The following JADE2 variants were observed in gnomAD, a reference collection of about 807,000 sequenced individuals.
The protein encoded by JADE2 is jade family PHD finger 2.
Under a neutral mutation model 85.7 loss-of-function variants are expected in JADE2, and 13 were observed. That is an observed-to-expected ratio of 0.15 (90% CI 0.10 to 0.24). The LOEUF is 0.24. Among genes scored for constraint, JADE2 ranks in the 10% least tolerant of loss-of-function variants. The pLI is 1.00. For missense variants in JADE2, 846 were observed against 1,115.9 expected (o/e 0.76, Z 3.45); for synonymous variants, 440 against 456.1 (o/e 0.96, Z 0.45).
intron 1 of JADE2, among the ~76,000 whole-genome samples, chr5:134,528,934 T>G (rs1456934505): frequency 2.6e-5 from 4 of 152,208 alleles, no homozygotes; most frequent in Admixed American, 2.6e-4. Context: ...TCCAAGAGGT[T>G]GTCAGAAATC....
rs1446806848 is a variant in JADE2 at position 134,580,091 on chromosome 5, G to T, written c.*774G>T. ...TGCCAGTGCAGGTGGAGGGCTGTAGGGGAGGGCCAGTGCCCAGACAGGGTC... is the reference window on the plus strand; with the variant it reads ...TGCCAGTGCAGGTGGAGGGCTGTAGTGGAGGGCCAGTGCCCAGACAGGGTC... On this transcript the variant is annotated 3_prime_UTR_variant, in exon 12 of 12. Transcript: ENST00000681547. 1.3e-5 allele frequency: 2 copies of T among 152,720 alleles called. No individual in the cohort carries two copies. Among genetic ancestry groups the T allele is most frequent in the Admixed American group, 1.3e-4 (2 of 15,274 alleles). The allele number at this position is 152,720 out of a possible 1,614,324, so 9.5% of individuals were successfully genotyped here. A position where few individuals can be genotyped will look rare whatever the true frequency, so the allele number is the denominator to read the frequency against.
chr5:134,576,977 G>T, intron 11 of JADE2, 81 bp downstream of exon 11: 1 of 1,455,642 alleles, frequency 6.9e-7, no homozygotes, highest in South Asian at 1.4e-5. Context: ...CCTGCGGAAG[G>T]CCAGCTGCAC....
Position 134,537,877 on chromosome 5 carries a change from C to T in JADE2, c.59-112C>T, listed in dbSNP as rs1761695776. Reference sequence around the variant, plus strand: ...GATACTAGGTCTCACAGAGGTTTCTCCCTCATGAACATTCTAGCCGGGGCT... The same window carrying T: ...GATACTAGGTCTCACAGAGGTTTCTTCCTCATGAACATTCTAGCCGGGGCT... On this transcript the variant is annotated intron_variant, in intron 2 of 11. Transcript: ENST00000681547. 4 of 753,518 alleles carry T rather than the reference C, an allele frequency of 5.3e-6. 1 individual carries two copies. In the South Asian group the frequency reaches 6.6e-5, roughly 12 times the overall value. 46.7% of individuals were successfully genotyped at this position (753,518 alleles called of 1,614,324 possible).
In JADE2 at chr5:134,548,631, G is replaced by A. The variant is rs188862340; in HGVS notation, c.154-3421G>A. 7.9e-5 allele frequency among the ~76,000 whole-genome samples: 12 copies of A among 152,290 alleles called. No homozygotes were observed. In the East Asian group the frequency reaches 2.3e-3, roughly 29 times the overall value. ...ATGAAACGTGGAACTCTCTTGGAAC[G>A]AGACTCTTTTGTCTTCCCACAATCT... On this transcript the variant is annotated intron_variant, in intron 3 of 11. Coordinates refer to ENST00000681547, the MANE Select transcript of JADE2 (RefSeq NM_001388185.1).
At position 134,579,174 on chromosome 5, in the gene JADE2, C is replaced by T. The variant is rs752744623; in HGVS notation, c.2362C>T (p.His788Tyr). 3 of 1,614,116 alleles carry T rather than the reference C, an allele frequency of 1.9e-6. No homozygotes were observed. In the South Asian group the frequency reaches 3.3e-5, roughly 18 times the overall value. Reference sequence around the variant, plus strand: ...GGCTGAGAGGCCCAAGGTCAGCCTGCATTTTGACACTGAGACTGATGGCTA... The same window carrying T: ...GGCTGAGAGGCCCAAGGTCAGCCTGTATTTTGACACTGAGACTGATGGCTA... The part of the protein sequence containing the change: ...AVAERPKVSL[H>Y]FDTETDGYFS... Residue 788 changes from histidine to tyrosine, a missense_variant, in exon 12 of 12, where the codon CAT becomes TAT. By Grantham distance (83) the His-to-Tyr change is moderately conservative. Around this residue, in one of 9 missense-constraint regions of JADE2, gnomAD observed 300 missense variants for 300.7 expected, o/e 1.00. Coordinates refer to ENST00000681547, the MANE Select transcript of JADE2 (RefSeq NM_001388185.1). This position sits in a 1 kb window ranked among gnomAD's most constrained non-coding sequence, Gnocchi z 4.6.
chr5:134,560,809 A>G lies in JADE2; in HGVS notation c.536A>G (p.His179Arg). Residue 179 changes from histidine (H) to arginine (R), a missense_variant, in exon 6 of 12, where the codon CAC becomes CGC. By Grantham distance (29) the His-to-Arg change is conservative. This residue lies in a region of JADE2 where 129 missense variants were observed against 255.4 expected (regional missense o/e 0.51). Transcript: ENST00000681547. ...CTGGAGGAGCTGGAGACCCTGTGCC[A>G]CCAGAATATGGCCAGGGCCATTGAG... ...RVLEELETLC[H>R]QNMARAIETQ... 6.2e-7 allele frequency: 1 copy of G among 1,614,178 alleles called. No homozygotes were observed. The highest frequency in any genetic ancestry group is 1.1e-5 in the South Asian group (1 of 91,084).
chr5:134,573,469 A>G (rs547816795), intron 9 of JADE2, among the ~76,000 whole-genome samples, 176 bp from the exon 10 acceptor site: 1 of 152,324 alleles, frequency 6.6e-6, no homozygotes, highest in Admixed American at 6.5e-5. Context: ...CATGCAGCAC[A>G]GGGCTGAGGA....
chr5:134,539,495 G>A (rs375462542), intron 3 of JADE2, among the ~76,000 whole-genome samples: 2 of 152,350 alleles, frequency 1.3e-5, no homozygotes, highest in South Asian at 4.1e-4. Flanking sequence ...CACCGCGCCC[G>A]GCCAATCCTG....
intron 10 of JADE2, chr5:134,574,983 G>A (rs1030037415): frequency 1.3e-5 from 2 of 152,368 alleles, no homozygotes; most frequent in African/African-American, 2.4e-5. Context: ...GCCACATATC[G>A]GCTGCAGAAG....
chr5:134,573,364 G>A (rs1396454869), intron 9 of JADE2, among the ~76,000 whole-genome samples: 1 of 152,174 alleles, frequency 6.6e-6, no homozygotes, highest in Non-Finnish European at 1.5e-5. Flanking sequence ...GGGCATGCCG[G>A]GTTGACCTAA....
Position 134,562,056 on chromosome 5 carries a change from A to T in JADE2, c.685-144A>T, listed in dbSNP as rs1007342. 0.048 allele frequency: 36,339 copies of T among 758,714 alleles called. 2,435 individuals carry two copies. The highest frequency in any genetic ancestry group is 0.22 in the South Asian group (8,514 of 39,428). The allele number at this position is 758,714 out of a possible 1,614,324, so 47.0% of individuals were successfully genotyped here. On this transcript the variant is annotated intron_variant, in intron 6 of 11. Coordinates refer to ENST00000681547, the MANE Select transcript of JADE2 (RefSeq NM_001388185.1). The surrounding 1 kb of genome is among the most constrained non-coding windows in gnomAD (Gnocchi z 4.6). ...CCCTTCCTTCCTTCCTTGCATTGTA[A>T]CTCCTCAGAAGTTGTACGTGCCAGA...
At chr5:134,577,971 G>A (rs1209070138) in intron 11 of JADE2, among the ~76,000 whole-genome samples, 5 of 152,144 alleles carry the variant, frequency 3.3e-5, no homozygotes, top group African/African-American at 9.7e-5. Context: ...GCCCTCTGGC[G>A]GCCTGAGGGC....
rs1325165126 is a variant in JADE2 at position 134,576,753 on chromosome 5, C to T, written c.1553-15C>T. 2 of 1,550,434 alleles carry T rather than the reference C, an allele frequency of 1.3e-6. No homozygotes were observed. The highest frequency in any genetic ancestry group is 2.4e-5 in the East Asian group (1 of 40,936). On this transcript the variant is annotated splice_polypyrimidine_tract_variant and intron_variant, in intron 10 of 11. Transcript: ENST00000681547. ...GGTAACCATCTCCCTCCTCCTCTCA[C>T]TTTCCCTGACACAGAGCGGTCTGGG...
At chr5:134,557,233 TTTTG>T (rs1763016229) in intron 4 of JADE2, among the ~76,000 whole-genome samples, 3 of 150,220 alleles carry the variant, frequency 2.0e-5, no homozygotes, top group South Asian at 2.1e-4. Context: ...TTATTATTTT[TTTTG>T]TTGTTGTTGT....
Position 134,566,691 on chromosome 5 carries a change from G to T in JADE2, c.1434+111G>T. The stretch of plus-strand genomic sequence containing the variant: ...GGACTCACCAGGACTCAAACTGTGA[G>T]CTCTGGTGGACCGGCCCTGCTGCAG... On this transcript the variant is annotated intron_variant, in intron 9 of 11. Coordinates refer to ENST00000681547, the MANE Select transcript of JADE2 (RefSeq NM_001388185.1). The surrounding 1 kb of genome is among the most constrained non-coding windows in gnomAD (Gnocchi z 6.7). The T allele has an allele frequency of 1.2e-6, 1 of 841,160 alleles. No individual in the cohort carries two copies. Among genetic ancestry groups the T allele is most frequent in the Non-Finnish European group, 1.8e-6 (1 of 554,126 alleles). The allele number at this position is 841,160 out of a possible 1,614,324, so 52.1% of individuals were successfully genotyped here.
At chr5:134,540,092 G>A (rs992635143) in intron 3 of JADE2, among the ~76,000 whole-genome samples, 3 of 152,144 alleles carry the variant, frequency 2.0e-5, no homozygotes, top group Non-Finnish European at 2.9e-5. Context: ...GCCCTCCTGG[G>A]GTAGCCCTGC....
intron 3 of JADE2, among the ~76,000 whole-genome samples, chr5:134,550,765 C>G (rs1581429180): frequency 2.0e-5 from 3 of 152,158 alleles, no homozygotes; most frequent in Admixed American, 6.5e-5. Flanking sequence ...AGAGCTTGTT[C>G]TGAGGTGGAA....
chr5:134,570,544 C>T (rs574836344), intron 9 of JADE2, among the ~76,000 whole-genome samples: 1 of 152,294 alleles, frequency 6.6e-6, no homozygotes, highest in African/African-American at 2.4e-5. Flanking sequence ...GTATTTGCAT[C>T]CTTGCTGCCC....
intron 9 of JADE2, among the ~76,000 whole-genome samples, chr5:134,569,657 A>C (rs1256458778): frequency 2.0e-5 from 3 of 152,012 alleles, no homozygotes; most frequent in African/African-American, 4.8e-5. Flanking sequence ...CCTGAGGAGG[A>C]GGCCAAGAGG....
Sources: allele counts gnomAD v4.1 joint callset (sites outside exome capture counted in the v4.1 genomes callset), GRCh38; gene constraint gnomAD v4.1.1; regional missense constraint gnomAD v4.1.1; non-coding constraint Gnocchi (gnomAD v3.1); transcripts MANE v1.5; gene names NCBI Gene and HGNC (gene_info 2026-07-23, HGNC 2026-07-21).